The following PGCKA1 variants were observed in gnomAD, a reference collection of about 807,000 sequenced individuals.
PGCKA1 encodes PDCD10 and GCKIII kinases associated 1.
the PGCKA1 span, among the ~76,000 whole-genome samples, chr4:37,462,753 G>A: frequency 6.6e-6 from 1 of 151,850 alleles, no homozygotes; most frequent in Admixed American, 6.6e-5. Flanking sequence ...CAACTAAGCT[G>A]AGGCTTTAAA....
the PGCKA1 span, among the ~76,000 whole-genome samples, chr4:37,453,767 G>A: frequency 2.0e-5 from 3 of 152,136 alleles, no homozygotes; most frequent in African/African-American, 7.2e-5. Flanking sequence ...CCGGCCCCGG[G>A]GATGTCGGAC....
the PGCKA1 span, among the ~76,000 whole-genome samples, chr4:37,537,824 AC>A: frequency 9.2e-5 from 14 of 152,322 alleles, no homozygotes; most frequent in East Asian, 2.7e-3. Context: ...TAGTTGTGTA[AC>A]CTTATGCAAG....
chr4:37,547,625 C>T, the PGCKA1 span, among the ~76,000 whole-genome samples: 1 of 152,130 alleles, frequency 6.6e-6, no homozygotes, highest in African/African-American at 2.4e-5. Context: ...AGGTATGACC[C>T]AAGGTAACCT....
At chr4:37,537,468 A>T in the PGCKA1 span, among the ~76,000 whole-genome samples, 1 of 152,342 alleles carries the variant, frequency 6.6e-6, no homozygotes, top group East Asian at 1.9e-4. Context: ...TATTATACAC[A>T]TGCATAAAAG....
chr4:37,485,147 A>G, the PGCKA1 span, among the ~76,000 whole-genome samples: 1 of 152,168 alleles, frequency 6.6e-6, no homozygotes. Flanking sequence ...CATGATCTTT[A>G]TTGGAGTTAA....
the PGCKA1 span, among the ~76,000 whole-genome samples, chr4:37,464,496 A>C: frequency 6.6e-6 from 1 of 152,178 alleles, no homozygotes; most frequent in Non-Finnish European, 1.5e-5. Context: ...TAAATGTTTA[A>C]ATAATCTGAG....
chr4:37,544,077 T>C, the PGCKA1 span, among the ~76,000 whole-genome samples: 5 of 152,234 alleles, frequency 3.3e-5, no homozygotes, highest in African/African-American at 1.2e-4. Context: ...AAAAGATATA[T>C]GGATGATAAA....
the PGCKA1 span, chr4:37,588,078 C>G: frequency 1.3e-5 from 2 of 152,176 alleles, no homozygotes; most frequent in Non-Finnish European, 2.9e-5. Flanking sequence ...AAGAGGCCAA[C>G]ATGGTCAGTT....
the PGCKA1 span, among the ~76,000 whole-genome samples, chr4:37,499,918 CTTTTT>C: frequency 1.3e-5 from 1 of 79,258 alleles, no homozygotes; most frequent in Non-Finnish European, 2.2e-5. Flanking sequence ...GTCTTCCTAA[CTTTTT>C]TTTTTTTTTT....
the PGCKA1 span, among the ~76,000 whole-genome samples, chr4:37,530,798 G>A: frequency 6.6e-6 from 1 of 151,976 alleles, no homozygotes; most frequent in African/African-American, 2.4e-5. Context: ...CCAACGTGAT[G>A]AAGCCCCCCG....
At chr4:37,566,025 G>A in the PGCKA1 span, among the ~76,000 whole-genome samples, 2 of 152,130 alleles carry the variant, frequency 1.3e-5, no homozygotes, top group South Asian at 2.1e-4. Context: ...TTTGGGACTC[G>A]GACTGGCTCT....
At chr4:37,543,681 A>C in the PGCKA1 span, among the ~76,000 whole-genome samples, 1 of 148,412 alleles carries the variant, frequency 6.7e-6, no homozygotes, top group Non-Finnish European at 1.5e-5. Flanking sequence ...AAAAATACAA[A>C]AAATTAGCCG....
the PGCKA1 span, among the ~76,000 whole-genome samples, chr4:37,475,845 T>G: frequency 6.6e-6 from 1 of 152,106 alleles, no homozygotes; most frequent in East Asian, 1.9e-4. Flanking sequence ...CAGAACTGCT[T>G]TTTACTGTGG....
the PGCKA1 span, among the ~76,000 whole-genome samples, chr4:37,557,542 G>A: frequency 6.6e-6 from 1 of 152,226 alleles, no homozygotes; most frequent in Non-Finnish European, 1.5e-5. Flanking sequence ...TCATAAGGCA[G>A]ATGGGGCGAG....
At chr4:37,563,044 G>A in the PGCKA1 span, among the ~76,000 whole-genome samples, 2 of 151,678 alleles carry the variant, frequency 1.3e-5, no homozygotes, top group African/African-American at 2.4e-5. Context: ...CTCTGCACAC[G>A]TAGGTTCATC....
At chr4:37,525,533 C>T in the PGCKA1 span, among the ~76,000 whole-genome samples, 1 of 152,180 alleles carries the variant, frequency 6.6e-6, no homozygotes, top group East Asian at 1.9e-4. Context: ...AGCAATTCAT[C>T]AGTCCGTTCT....
chr4:37,544,521 T>C, the PGCKA1 span, among the ~76,000 whole-genome samples: 4 of 152,090 alleles, frequency 2.6e-5, no homozygotes, highest in Non-Finnish European at 5.9e-5. Flanking sequence ...TTTTTATCTT[T>C]TTTATTCAAT....
the PGCKA1 span, among the ~76,000 whole-genome samples, chr4:37,467,220 G>A: frequency 2.0e-5 from 3 of 152,156 alleles, no homozygotes; most frequent in African/African-American, 7.2e-5. Flanking sequence ...AAAACTTGTT[G>A]AAGAAAAATG....
chr4:37,567,533 A>C, the PGCKA1 span, among the ~76,000 whole-genome samples: 3 of 152,316 alleles, frequency 2.0e-5, no homozygotes, highest in Non-Finnish European at 4.4e-5. Context: ...GTGGAGGTGG[A>C]ATTGCTGACT....
Sources: allele counts gnomAD v4.1 joint callset (sites outside exome capture counted in the v4.1 genomes callset), GRCh38; gene constraint gnomAD v4.1.1; transcripts MANE v1.5; gene names NCBI Gene and HGNC (gene_info 2026-07-23, HGNC 2026-07-21).